CLOCK: variants seen among roughly 807,000 people sequenced by gnomAD.
CLOCK encodes the protein circadian locomoter output cycles protein kaput.
In CLOCK, 43 loss-of-function variants were observed where a neutral mutation model predicts 118.4. The observed-to-expected ratio is 0.36, with a 90% CI of 0.28 to 0.47. The LOEUF is 0.47. Among genes scored for constraint, CLOCK ranks in the 20% least tolerant of loss-of-function variants. The pLI is 1.00. For synonymous variants in CLOCK, 326 were observed against 339.2 expected, an observed-to-expected ratio of 0.96 and a Z score of 0.43; for missense variants, 846 against 999.9, an observed-to-expected ratio of 0.85 and a Z score of 2.08.
chr4:55,473,770 T>A (rs1726304092), intron 7 of CLOCK, among the ~76,000 whole-genome samples: 1 of 152,188 alleles, frequency 6.6e-6, no homozygotes, highest in South Asian at 2.1e-4. Flanking sequence ...TTGTGTCACA[T>A]TTTGGTAATT....
Position 55,539,572 on chromosome 4 carries a change from CAAAAAAAAAAAAAAA to C in CLOCK, c.-290+7195_-290+7209del, listed in dbSNP as rs57022769. Among the ~76,000 whole-genome samples the C allele has an allele frequency of 1.9e-4, 10 of 52,064 alleles. No individual in the cohort carries two copies. In the Admixed American group the frequency reaches 2.1e-3, roughly 11 times the overall value. The allele number at this position is 52,064 out of a possible 152,430, so 34.2% of individuals were successfully genotyped here. On this transcript the variant is annotated intron_variant, in intron 1 of 22. Coordinates refer to ENST00000513440, the MANE Select transcript of CLOCK (RefSeq NM_004898.4). ...TGGGTGCCAGAGTGAGACCTTGTCT[CAAAAAAAAAAAAAAA>C]AAAAAAAAAAAAAGGTGAAATTGAG... is the stretch of plus-strand genomic sequence containing the variant.
At chr4:55,498,039 A>G in intron 2 of CLOCK, among the ~76,000 whole-genome samples, 1 of 151,940 alleles carries the variant, frequency 6.6e-6, no homozygotes, top group Non-Finnish European at 1.5e-5. Context: ...TCCTCTAGGG[A>G]CCTCTTAGGA....
chr4:55,481,897 T>A (rs1039559957), intron 4 of CLOCK, among the ~76,000 whole-genome samples: 1 of 152,194 alleles, frequency 6.6e-6, no homozygotes, highest in Non-Finnish European at 1.5e-5. Flanking sequence ...TTAAATAACA[T>A]GTAAAAAAGT....
intron 1 of CLOCK, among the ~76,000 whole-genome samples, chr4:55,529,958 AAGAC>A (rs1231045205): frequency 2.0e-5 from 3 of 152,270 alleles, no homozygotes; most frequent in African/African-American, 7.2e-5. Flanking sequence ...CAGAATAAAA[AAGAC>A]AGAAAACTTG....
At position 55,510,462 on chromosome 4, in the gene CLOCK, A is replaced by G. The variant is rs566221009; in HGVS notation, c.-289-397T>C. ...GCCAACATGGTGAAACCTCGTCCCT[A>G]CTAAAAATACAAAAATTAGCCAGGC... On this transcript the variant is annotated intron_variant, in intron 1 of 22. Transcript: ENST00000513440. Among the ~76,000 whole-genome samples the G allele has an allele frequency of 3.9e-5, 6 of 152,168 alleles. No individual in the cohort carries two copies. The East Asian group carries it at 9.7e-4, about 25-fold the overall frequency.
At chr4:55,473,594 T>C (rs1188716265) in intron 7 of CLOCK, among the ~76,000 whole-genome samples, 1 of 152,196 alleles carries the variant, frequency 6.6e-6, no homozygotes, top group Non-Finnish European at 1.5e-5. Flanking sequence ...TATAATCTAT[T>C]TATACAGGCA....
At chr4:55,463,835 A>T in intron 8 of CLOCK, 30 bp from the exon 9 acceptor site, 2 of 1,586,458 alleles carry the variant, frequency 1.3e-6, no homozygotes, top group South Asian at 2.2e-5. Context: ...AAGTAAAATA[A>T]CTTCAATGAT....
At chr4:55,523,453 T>C (rs1050152002) in intron 1 of CLOCK, among the ~76,000 whole-genome samples, 1 of 152,088 alleles carries the variant, frequency 6.6e-6, no homozygotes, top group Non-Finnish European at 1.5e-5. Context: ...TATTTTCAAG[T>C]CATCTTATGA....
At chr4:55,507,371 G>A (rs1728880421) in intron 2 of CLOCK, among the ~76,000 whole-genome samples, 1 of 151,942 alleles carries the variant, frequency 6.6e-6, no homozygotes, top group Non-Finnish European at 1.5e-5. Flanking sequence ...CCAACACTTT[G>A]GAAGGCTGAG....
At chr4:55,520,646 G>T (rs1368061891) in intron 1 of CLOCK, among the ~76,000 whole-genome samples, 2 of 151,948 alleles carry the variant, frequency 1.3e-5, no homozygotes, top group African/African-American at 2.4e-5. Context: ...TAATACTAAG[G>T]TTCAGTTCTA....
At chr4:55,491,801 A>G (rs1416517513) in intron 2 of CLOCK, among the ~76,000 whole-genome samples, 1 of 144,130 alleles carries the variant, frequency 6.9e-6, no homozygotes, top group East Asian at 1.9e-4. Flanking sequence ...ACTTTACAAG[A>G]GAGTACATAG....
intron 1 of CLOCK, among the ~76,000 whole-genome samples, chr4:55,525,075 C>T (rs979862798): frequency 6.6e-6 from 1 of 151,904 alleles, no homozygotes; most frequent in African/African-American, 2.4e-5. Flanking sequence ...TGAAATGAAA[C>T]AAATCTTAGT....
At chr4:55,543,445 T>A (rs138193910) in intron 1 of CLOCK, among the ~76,000 whole-genome samples, 1 of 152,058 alleles carries the variant, frequency 6.6e-6, no homozygotes, top group South Asian at 2.1e-4. Context: ...AAAGAACATA[T>A]TTGCAAATGC....
intron 18 of CLOCK, 46 bp downstream of exon 18, chr4:55,448,733 A>G (rs764023233): frequency 1.3e-6 from 2 of 1,494,832 alleles, no homozygotes; most frequent in Non-Finnish European, 1.9e-6. Context: ...CTTAAAAGCA[A>G]TTTATCATAT....
intron 2 of CLOCK, among the ~76,000 whole-genome samples, chr4:55,504,375 A>G (rs1381594574): frequency 6.6e-6 from 1 of 151,888 alleles, no homozygotes; most frequent in African/African-American, 2.4e-5. Flanking sequence ...AAATCAAGGC[A>G]ATGTATCACA....
In CLOCK at chr4:55,449,437, G is replaced by A; in HGVS notation, c.1408C>T (p.His470Tyr). ...STPPRQHLPA[H>Y]EKMVQRRSSF... ...GACCTTCTTTGCACCATCTTCTCATGAGCTGGTAAATGCTGCCTGGGTGGA... is the reference window on the plus strand; with the variant it reads ...GACCTTCTTTGCACCATCTTCTCATAAGCTGGTAAATGCTGCCTGGGTGGA... The change falls in exon 17 of 23, where the codon CAT (histidine) becomes TAT (tyrosine). Residue 470 changes from histidine (H) to tyrosine (Y), a missense_variant. By Grantham distance (83) the His-to-Tyr change is moderately conservative. This residue lies in a region of CLOCK where 520 missense variants were observed against 558.0 expected (regional missense o/e 0.93). Transcript: ENST00000513440. 1.2e-6 allele frequency: 2 copies of A among 1,613,984 alleles called. No homozygotes were observed. The highest frequency in any genetic ancestry group is 1.3e-5 in the African/African-American group (1 of 75,026).
chr4:55,514,499 A>T, intron 1 of CLOCK, among the ~76,000 whole-genome samples: 1 of 124,706 alleles, frequency 8.0e-6, no homozygotes, highest in African/African-American at 2.8e-5. Flanking sequence ...GAACATTTTT[A>T]TCCCCCCCCC....
At chr4:55,532,864 G>A (rs748710885) in intron 1 of CLOCK, among the ~76,000 whole-genome samples, 4 of 151,674 alleles carry the variant, frequency 2.6e-5, no homozygotes, top group African/African-American at 7.3e-5. Flanking sequence ...AAAAGGGGTC[G>A]GGTCGGGGGG....
At chr4:55,543,653 T>TA (rs57355533) in intron 1 of CLOCK, among the ~76,000 whole-genome samples, 42,754 of 151,728 alleles carry the variant, frequency 0.28, 6,593 homozygotes, top group Middle Eastern at 0.4. Context: ...ATTTTAAAAA[T>TA]AAGAGTCCCA....
Sources: gnomAD v4.1 joint callset for allele counts (sites outside exome capture counted in the v4.1 genomes callset) on GRCh38, gnomAD v4.1.1 for gene constraint, gnomAD v4.1.1 regional missense constraint, MANE v1.5 for transcripts, NCBI Gene and HGNC (gene_info 2026-07-23, HGNC 2026-07-21) for gene names.